Variants in LEPROTL1 observed in about 807,000 individuals in gnomAD.
LEPROTL1 encodes the protein leptin receptor overlapping transcript-like 1.
A neutral mutation model predicts 15.4 loss-of-function variants in LEPROTL1; 6 were observed. That is an observed-to-expected ratio of 0.39 (90% confidence interval 0.21 to 0.77). LEPROTL1 has a LOEUF of 0.77. Ranked by LOEUF, LEPROTL1 falls within the 30% of genes least tolerant of loss-of-function variation. The pLI, the probability that LEPROTL1 is intolerant of heterozygous loss-of-function variation, is 0.41. For missense variants in LEPROTL1, 128 were observed against 158.1 expected, an observed-to-expected ratio of 0.81 and a Z score of 1.02; for synonymous variants, 56 against 52.6, an observed-to-expected ratio of 1.06 and a Z score of -0.28.
At position 30,107,535 on chromosome 8, in the gene LEPROTL1, GC is replaced by G. The variant is rs1802587746; in HGVS notation, c.*1675del. On this transcript the variant is annotated 3_prime_UTR_variant, in exon 4 of 4. Coordinates refer to ENST00000321250, the MANE Select transcript of LEPROTL1 (RefSeq NM_015344.3). ...AGCTTTTTTACTAAAGATGCCTAAA[GC>G]CACAGGTTTTATTGCCTAACTTAAG... is the stretch of plus-strand genomic sequence containing the variant. The G allele has an allele frequency of 1.3e-5, 13 of 985,732 alleles. No individual in the cohort carries two copies. The highest frequency in any genetic ancestry group is 1.6e-5 in the Non-Finnish European group (13 of 829,930). 61.1% of individuals were successfully genotyped at this position (985,732 alleles called of 1,614,324 possible). A position where few individuals can be genotyped will look rare whatever the true frequency, so the allele number is the denominator to read the frequency against.
exon 5 of LEPROTL1, chr8:30,137,649 C>T: frequency 1.6e-6 from 1 of 639,450 alleles, no homozygotes. Context: ...ACCTAACCAA[C>T]TCCATCTTGC....
Position 30,132,456 on chromosome 8 carries a change from G to T in LEPROTL1, c.361G>T (p.Glu121Ter). ...CAGGCCCAAAGCCCGCTGCGTGGAG[G>T]AGGGAGTCGTCCAGGATCCAGTGGG... The change falls in exon 4 of 5, where the codon GAG becomes TAG. Residue 121 changes from glutamate to a stop codon, truncating the protein, a stop_gained. Transcript: ENST00000442880. LOFTEE classifies it low-confidence loss of function (END_TRUNC). 1 of 1,551,740 alleles carries T rather than the reference G, an allele frequency of 6.4e-7. No homozygotes were observed. Among genetic ancestry groups the T allele is most frequent in the Non-Finnish European group, 8.7e-7 (1 of 1,147,004 alleles).
intron 3 of LEPROTL1, among the ~76,000 whole-genome samples, chr8:30,118,786 G>A (rs1802780568): frequency 6.6e-6 from 1 of 152,196 alleles, no homozygotes; most frequent in Non-Finnish European, 1.5e-5. Flanking sequence ...AAGAAAACAT[G>A]TGAGCAAAGG....
At chr8:30,104,712 TTC>T (rs1297939496) in intron 3 of LEPROTL1, 32 of 361,110 alleles carry the variant, frequency 8.9e-5, no homozygotes, top group Non-Finnish European at 1.1e-4. Flanking sequence ...ACTTTTTTTT[TTC>T]TTTTTTTTTT....
At chr8:30,111,467 T>C (rs1466649210), downstream of LEPROTL1, among the ~76,000 whole-genome samples, 1 of 152,208 alleles carries the variant, frequency 6.6e-6, no homozygotes, top group Non-Finnish European at 1.5e-5. Flanking sequence ...AACAACTTGG[T>C]GTTCACATCT....
In LEPROTL1 at chr8:30,097,684, AATAT is replaced by A. The variant is rs1554482384; in HGVS notation, c.16+2168_16+2171del. 3.2e-4 allele frequency among the ~76,000 whole-genome samples: 41 copies of A among 128,396 alleles called. 2 individuals are homozygous for A. Among genetic ancestry groups the A allele is most frequent in the Non-Finnish European group, 5.9e-4 (37 of 62,266 alleles). 84.2% of individuals were successfully genotyped at this position (128,396 alleles called of 152,430 possible). A position where few individuals can be genotyped will look rare whatever the true frequency, so the allele number is the denominator to read the frequency against. The stretch of plus-strand genomic sequence containing the variant: ...GAGACTCTGTCTCAAAAAAAAAAAA[AATAT>A]ATATATATATACACACACACACACA... On this transcript the variant is annotated intron_variant, in intron 1 of 3. Transcript: ENST00000321250.
chr8:30,117,500 G>T, intron 3 of LEPROTL1: 1 of 1,410,494 alleles, frequency 7.1e-7, no homozygotes, highest in Non-Finnish European at 9.9e-7. Flanking sequence ...GATGGAAACA[G>T]ATTTTCTGCC....
intron 1 of LEPROTL1, among the ~76,000 whole-genome samples, chr8:30,100,141 C>T (rs1802440610): frequency 6.6e-6 from 1 of 152,212 alleles, no homozygotes; most frequent in Non-Finnish European, 1.5e-5. Context: ...CCATGACCTG[C>T]ATCAGCGATC....
chr8:30,102,392 T>G (rs1048833701), intron 2 of LEPROTL1, among the ~76,000 whole-genome samples: 1 of 151,980 alleles, frequency 6.6e-6, no homozygotes, highest in Non-Finnish European at 1.5e-5. Context: ...GGCTCACACC[T>G]GTAATCCCAG....
At chr8:30,105,725 G>T in intron 3 of LEPROTL1, 21 bp from the exon 4 acceptor site, 2 of 1,590,188 alleles carry the variant, frequency 1.3e-6, no homozygotes, top group Non-Finnish European at 1.7e-6. Context: ...CCTGTTGACT[G>T]AGTGTATCTT....
intron 3 of LEPROTL1, among the ~76,000 whole-genome samples, chr8:30,117,133 A>G (rs1802754194): frequency 1.3e-5 from 2 of 152,200 alleles, no homozygotes; most frequent in Middle Eastern, 3.4e-3. Flanking sequence ...TTGTAATCCT[A>G]GGGAATTAGT....
At chr8:30,127,513 T>C (rs2117522418) in intron 3 of LEPROTL1, among the ~76,000 whole-genome samples, 1 of 152,232 alleles carries the variant, frequency 6.6e-6, no homozygotes, top group South Asian at 2.1e-4. Flanking sequence ...GGCCCCATCC[T>C]TGCATTTGTA....
At chr8:30,119,289 A>G (rs1278954909) in intron 3 of LEPROTL1, among the ~76,000 whole-genome samples, 3 of 152,188 alleles carry the variant, frequency 2.0e-5, no homozygotes, top group Non-Finnish European at 4.4e-5. Context: ...ATCTCAGGGC[A>G]AAGCAGTTGT....
intron 4 of LEPROTL1, among the ~76,000 whole-genome samples, chr8:30,136,550 G>A (rs768474590): frequency 2.6e-5 from 4 of 152,114 alleles, no homozygotes; most frequent in Admixed American, 6.6e-5. Flanking sequence ...AGCCTGCCTC[G>A]CATCCAGCCA....
At position 30,095,531 on chromosome 8, in the gene LEPROTL1, G is replaced by A. The variant is rs1445241808; in HGVS notation, c.16+3G>A. 1.3e-5 allele frequency: 18 copies of A among 1,435,856 alleles called. No homozygotes were observed. The South Asian group carries it at 2.5e-4, about 20-fold the overall frequency. 88.9% of individuals were successfully genotyped at this position (1,435,856 alleles called of 1,614,324 possible). A position where few individuals can be genotyped will look rare whatever the true frequency, so the allele number is the denominator to read the frequency against. On this transcript the variant is annotated splice_donor_region_variant and intron_variant, in intron 1 of 3. Transcript: ENST00000321250. ...CACCGCCATGGCAGGCATCAAAGGT[G>A]GGCCTGGGTTGCAGGACGCGGGAGG...
At chr8:30,134,446 C>CA (rs913351650) in intron 4 of LEPROTL1, among the ~76,000 whole-genome samples, 13 of 149,836 alleles carry the variant, frequency 8.7e-5, no homozygotes, top group Admixed American at 4.7e-4. Flanking sequence ...AAAAAAAAAA[C>CA]AAAAAAAAAC....
chr8:30,128,777 G>A (rs1359756526), intron 3 of LEPROTL1, among the ~76,000 whole-genome samples: 1 of 151,108 alleles, frequency 6.6e-6, no homozygotes, highest in Non-Finnish European at 1.5e-5. Context: ...ATACTGAAGT[G>A]TAACATATAT....
Position 30,106,655 on chromosome 8 carries a change from T to C in LEPROTL1, c.*793T>C. 1 of 982,626 alleles carries C rather than the reference T, an allele frequency of 1.0e-6. No homozygotes were observed. Among genetic ancestry groups the C allele is most frequent in the Non-Finnish European group, 1.2e-6 (1 of 827,022 alleles). The allele number at this position is 982,626 out of a possible 1,614,324, so 60.9% of individuals were successfully genotyped here. Reference sequence around the variant, plus strand: ...GAGTGAGTTGCAATGTGGGAAGAAATGACATTGAAATTCCAGTTTTTGAAT... The same window carrying C: ...GAGTGAGTTGCAATGTGGGAAGAAACGACATTGAAATTCCAGTTTTTGAAT... On this transcript the variant is annotated 3_prime_UTR_variant, in exon 4 of 4. Transcript: ENST00000321250.
intron 3 of LEPROTL1, among the ~76,000 whole-genome samples, chr8:30,122,032 T>G (rs1802836235): frequency 6.6e-6 from 1 of 151,812 alleles, no homozygotes. Flanking sequence ...CTGTACGTGG[T>G]GGCACGCGCC....
Sources: allele counts gnomAD v4.1 joint callset (sites outside exome capture counted in the v4.1 genomes callset), GRCh38; gene constraint gnomAD v4.1.1; transcripts MANE v1.5; gene names NCBI Gene and HGNC (gene_info 2026-07-23, HGNC 2026-07-21).